The following GDA variants were observed in gnomAD, a reference collection of about 807,000 sequenced individuals.
GDA encodes cytoplasmic PSD-95 interactor.
In GDA, 18 loss-of-function variants were observed where a neutral mutation model predicts 59.6. That is an observed-to-expected ratio of 0.30 (90% confidence interval 0.21 to 0.45). The LOEUF (loss-of-function observed/expected upper bound fraction) is 0.45. Ranked by LOEUF, GDA falls within the 20% of genes least tolerant of loss-of-function variation. The probability of loss-of-function intolerance (pLI) is 1.00; values close to 1 mark genes in which losing one functional copy is unlikely to be tolerated. For synonymous variants in GDA, 201 were observed against 201.1 expected (o/e 1.00, Z 0.00); for missense variants, 427 against 552.3 (o/e 0.77, Z 2.27).
chr9:72,230,256 G>A (rs987606532), intron 9 of GDA, among the ~76,000 whole-genome samples: 1 of 152,094 alleles, frequency 6.6e-6, no homozygotes, highest in Admixed American at 6.6e-5. Flanking sequence ...ACTTTGGGAG[G>A]CCAAAGTGGG....
chr9:72,202,626 T>G lies in GDA; in HGVS notation c.268T>G (p.Phe90Val). The G allele has an allele frequency of 6.2e-7, 1 of 1,612,450 alleles. No individual in the cohort carries two copies. ...ACACATCCATGCCTCTCAGTATTCC[T>G]TTGCTGGAAGTAGCATAGACCTGCC... ...DTHIHASQYS[F>V]AGSSIDLPLL... The change falls in exon 3 of 14, where the codon TTT (phenylalanine) becomes GTT (valine). Residue 90 changes from phenylalanine to valine, a missense_variant. By Grantham distance (50) the Phe-to-Val change is conservative (BLOSUM62 -1). Transcript: ENST00000358399.
At chr9:72,206,728 C>A (rs926738329) in intron 3 of GDA, among the ~76,000 whole-genome samples, 1 of 151,946 alleles carries the variant, frequency 6.6e-6, no homozygotes, top group African/African-American at 2.4e-5. Context: ...AGCCAAGGTG[C>A]ACCATTGCAC....
chr9:72,117,323 T>C (rs1825488285), intron 1 of GDA, among the ~76,000 whole-genome samples: 1 of 152,148 alleles, frequency 6.6e-6, no homozygotes, highest in East Asian at 1.9e-4. Flanking sequence ...TTTAATTAAT[T>C]CAACCTTTGA....
intron 4 of GDA, 51 bp downstream of exon 4, chr9:72,210,825 C>T (rs1835260549): frequency 1.8e-6 from 2 of 1,115,964 alleles, no homozygotes; most frequent in South Asian, 1.2e-5. Context: ...GACAGCCAGA[C>T]CATCGTGGCA....
chr9:72,206,894 T>C (rs1166507937), intron 3 of GDA, among the ~76,000 whole-genome samples: 3 of 152,134 alleles, frequency 2.0e-5, no homozygotes, highest in Admixed American at 2.0e-4. Flanking sequence ...TCCAATCAGG[T>C]GAGTGATAAA....
intron 8 of GDA, among the ~76,000 whole-genome samples, chr9:72,227,414 G>A (rs1430905649): frequency 6.6e-6 from 1 of 152,058 alleles, no homozygotes; most frequent in Non-Finnish European, 1.5e-5. Context: ...AAAATATCAA[G>A]GCCATTGGCA....
chr9:72,172,555 C>T (rs2130968321), intron 1 of GDA, among the ~76,000 whole-genome samples: 1 of 152,278 alleles, frequency 6.6e-6, no homozygotes, highest in Admixed American at 6.5e-5. Context: ...ACATCTTTAA[C>T]TCCTCTGTAG....
intron 1 of GDA, among the ~76,000 whole-genome samples, chr9:72,159,369 G>C (rs1164921783): frequency 6.6e-6 from 1 of 152,042 alleles, no homozygotes; most frequent in Non-Finnish European, 1.5e-5. Flanking sequence ...ACTCCAGCCT[G>C]GGTGACAGAG....
intron 3 of GDA, among the ~76,000 whole-genome samples, chr9:72,205,361 C>G (rs1024013493): frequency 2.6e-5 from 4 of 152,094 alleles, no homozygotes; most frequent in Admixed American, 6.5e-5. Context: ...TCAGGGGTCT[C>G]CCTGTCCTGT....
chr9:72,223,253 C>T, intron 7 of GDA, 26 bp downstream of exon 7: 1 of 1,254,706 alleles, frequency 8.0e-7, no homozygotes, highest in South Asian at 1.2e-5. Context: ...CTCTTTATGC[C>T]TCTATGCAGA....
intron 1 of GDA, among the ~76,000 whole-genome samples, chr9:72,172,954 A>T (rs761238213): frequency 1.3e-5 from 2 of 152,176 alleles, no homozygotes; most frequent in Admixed American, 1.3e-4. Flanking sequence ...AGAAGGTTGT[A>T]CTTTAGTGGG....
At chr9:72,243,377 C>T (rs993264385) in intron 11 of GDA, among the ~76,000 whole-genome samples, 7 of 152,220 alleles carry the variant, frequency 4.6e-5, no homozygotes, top group Non-Finnish European at 7.3e-5. Flanking sequence ...TACCATCAAA[C>T]TTGCCTAAAC....
rs139512654 is a variant in GDA, at chr9:72,166,861, A to G, written c.123+17179A>G. On this transcript the variant is annotated intron_variant, in intron 1 of 13. Coordinates refer to ENST00000358399, the MANE Select transcript of GDA (RefSeq NM_004293.5). ...TCCTCACCAATTTCCTTTTTCTCAG[A>G]GTTTTCATAGATCAGTCCATAATGC... 7.9e-5 allele frequency among the ~76,000 whole-genome samples: 12 copies of G among 152,220 alleles called. 1 individual carries two copies. The East Asian group carries it at 2.3e-3, about 29-fold the overall frequency.
chr9:72,228,004 G>A lies in GDA; in HGVS notation c.884G>A (p.Gly295Glu), dbSNP rs148533523. The change falls in exon 9 of 14, where the codon GGA becomes GAA. Residue 295 changes from glycine (G) to glutamate (E), a missense_variant. Physicochemically the swap from Gly to Glu is moderately conservative, Grantham distance 98 (BLOSUM62 -2). Coordinates refer to ENST00000358399, the MANE Select transcript of GDA (RefSeq NM_004293.5). The part of the protein sequence containing the change: ...AEELNVFHER[G>E]ASIAHCPNSN... ...GAACTGAACGTATTCCATGAACGAG[G>A]AGCATCCATCGCACACTGTCCCAAT... 3.7e-6 allele frequency: 6 copies of A among 1,603,518 alleles called. No individual in the cohort carries two copies. The highest frequency in any genetic ancestry group is 5.1e-6 in the Non-Finnish European group (6 of 1,170,872).
intron 3 of GDA, among the ~76,000 whole-genome samples, chr9:72,203,730 C>T (rs1219591781): frequency 6.6e-6 from 1 of 152,168 alleles, no homozygotes; most frequent in Non-Finnish European, 1.5e-5. Flanking sequence ...TATTATAAGC[C>T]TTCCACATCA....
At chr9:72,119,038 CAT>C (rs918736495) in intron 1 of GDA, among the ~76,000 whole-genome samples, 1 of 151,828 alleles carries the variant, frequency 6.6e-6, no homozygotes, top group African/African-American at 2.4e-5. Context: ...AAAAAGAAAA[CAT>C]AGTCTTTAAC....
chr9:72,237,543 A>T (rs1001213680), intron 10 of GDA, among the ~76,000 whole-genome samples: 1 of 152,162 alleles, frequency 6.6e-6, no homozygotes, highest in Admixed American at 6.5e-5. Context: ...AGGAGGTGCC[A>T]TCCACAACCA....
intron 1 of GDA, among the ~76,000 whole-genome samples, chr9:72,170,590 G>A (rs1042848643): frequency 6.6e-6 from 1 of 152,166 alleles, no homozygotes; most frequent in Admixed American, 6.5e-5. Context: ...GATATGGGGA[G>A]GCTTACTATT....
At chr9:72,244,582 G>T (rs779990467) in intron 11 of GDA, among the ~76,000 whole-genome samples, 1 of 151,988 alleles carries the variant, frequency 6.6e-6, no homozygotes, top group Non-Finnish European at 1.5e-5. Context: ...GAGAAGTGAG[G>T]TTTTTTTTCC....
Sources: gnomAD v4.1 joint callset for allele counts (sites outside exome capture counted in the v4.1 genomes callset) on GRCh38, gnomAD v4.1.1 for gene constraint, MANE v1.5 for transcripts, NCBI Gene and HGNC (gene_info 2026-07-23, HGNC 2026-07-21) for gene names.